Variants in MAGI2 observed in about 807,000 individuals in gnomAD.
The protein encoded by MAGI2 is membrane-associated guanylate kinase, WW and PDZ domain-containing protein 2.
MAGI2 carries 35 observed loss-of-function variants against 133.3 expected under a neutral mutation model. The observed-to-expected ratio is 0.26, with a 90% confidence interval of 0.20 to 0.35. MAGI2 has a LOEUF of 0.35. Ranked by LOEUF, MAGI2 falls within the 10% of genes least tolerant of loss-of-function variation. The pLI is 1.00. For missense variants in MAGI2, 1,636 were observed against 1,863.4 expected (o/e 0.88, Z 2.25); for synonymous variants, 729 against 710.6 (o/e 1.03, Z -0.41).
At position 78,019,098 on chromosome 7, in the gene MAGI2, C is replaced by T; in HGVS notation, c.*217G>A. On this transcript the variant is annotated 3_prime_UTR_variant, in exon 22 of 22. Coordinates refer to ENST00000354212, the MANE Select transcript of MAGI2 (RefSeq NM_012301.4). ...TCTTCCATAGCTGCCAAAGCCCCCACAAGGGAACCGGGGGCTTTAGGATCA... is the reference window on the plus strand; with the variant it reads ...TCTTCCATAGCTGCCAAAGCCCCCATAAGGGAACCGGGGGCTTTAGGATCA... 1 of 481,318 alleles carries T rather than the reference C, an allele frequency of 2.1e-6. No individual in the cohort carries two copies. Among genetic ancestry groups the T allele is most frequent in the Non-Finnish European group, 3.6e-6 (1 of 276,000 alleles). The allele number at this position is 481,318 out of a possible 1,614,324, so 29.8% of individuals were successfully genotyped here.
At chr7:78,618,068 T>G (rs982848731) in intron 3 of MAGI2, 2 of 152,068 alleles carry the variant, frequency 1.3e-5, no homozygotes, top group African/African-American at 4.8e-5. Context: ...CATTAATGCA[T>G]AGAACAAATC....
At chr7:78,601,407 T>A (rs1485961068) in intron 3 of MAGI2, among the ~76,000 whole-genome samples, 8 of 152,186 alleles carry the variant, frequency 5.3e-5, no homozygotes, top group Non-Finnish European at 8.8e-5. Context: ...CACTTGTAAT[T>A]TTTTTCTTCA....
chr7:79,044,130 A>C (rs187054602), intron 1 of MAGI2, among the ~76,000 whole-genome samples: 12 of 152,306 alleles, frequency 7.9e-5, no homozygotes, highest in Non-Finnish European at 1.5e-4. Context: ...CAACAACAAA[A>C]AAGAAAACTT....
intron 1 of MAGI2, among the ~76,000 whole-genome samples, chr7:79,060,718 C>A (rs980238654): frequency 6.6e-6 from 1 of 152,052 alleles, no homozygotes. Flanking sequence ...TGTGGCCTGA[C>A]TTACCCCATG....
chr7:78,704,778 C>CTTTTTTTTTTGCCT (rs1554535243), intron 2 of MAGI2, among the ~76,000 whole-genome samples: 1 of 47,346 alleles, frequency 2.1e-5, no homozygotes, highest in African/African-American at 6.7e-5. Flanking sequence ...GGCCATTATT[C>CTTTTTTTTTTGCCT]TTTTTTTTTT....
At chr7:78,869,637 C>T (rs1794862758) in intron 2 of MAGI2, among the ~76,000 whole-genome samples, 1 of 152,146 alleles carries the variant, frequency 6.6e-6, no homozygotes, top group Non-Finnish European at 1.5e-5. Context: ...TATGTCTTCA[C>T]AAGGCAGCAG....
chr7:78,521,421 A>G lies in MAGI2; in HGVS notation c.754+9T>C. 1 of 1,610,612 alleles carries G rather than the reference A, an allele frequency of 6.2e-7. No homozygotes were observed. The highest frequency in any genetic ancestry group is 8.5e-7 in the Non-Finnish European group (1 of 1,177,742). On this transcript the variant is annotated intron_variant, in intron 4 of 21. Coordinates refer to ENST00000354212, the MANE Select transcript of MAGI2 (RefSeq NM_012301.4). ...ATTTATGAAGCCATAAAAAATGTAA[A>G]TGACTAACCTGGTGTTACTACTACT... is the stretch of plus-strand genomic sequence containing the variant.
chr7:78,727,385 A>G (rs1410106245), intron 2 of MAGI2, among the ~76,000 whole-genome samples: 1 of 152,226 alleles, frequency 6.6e-6, no homozygotes, highest in Admixed American at 6.5e-5. Context: ...ACTTGATAGC[A>G]GACTTTACTA....
intron 3 of MAGI2, among the ~76,000 whole-genome samples, chr7:78,573,205 A>AAT (rs1228998289): frequency 1.2e-5 from 1 of 84,506 alleles, no homozygotes; most frequent in Non-Finnish European, 2.1e-5. Context: ...TATATATATA[A>AAT]ATATATATAT....
At chr7:78,711,013 A>G (rs1819130346) in intron 2 of MAGI2, among the ~76,000 whole-genome samples, 1 of 152,204 alleles carries the variant, frequency 6.6e-6, no homozygotes, top group East Asian at 1.9e-4. Flanking sequence ...CTAAGTCTTT[A>G]TAAATTCTCT....
At chr7:78,433,359 C>T (rs1799974766) in intron 6 of MAGI2, among the ~76,000 whole-genome samples, 1 of 152,038 alleles carries the variant, frequency 6.6e-6, no homozygotes, top group Admixed American at 6.6e-5. Flanking sequence ...AGGACACCCT[C>T]TAATTGTTGT....
At chr7:78,863,010 T>C (rs938021273) in intron 2 of MAGI2, among the ~76,000 whole-genome samples, 1 of 152,246 alleles carries the variant, frequency 6.6e-6, no homozygotes, top group Non-Finnish European at 1.5e-5. Context: ...GTCTGGAGTA[T>C]TGAAAATCTC....
chr7:79,292,399 A>T (rs917006615), intron 1 of MAGI2, among the ~76,000 whole-genome samples: 1 of 152,100 alleles, frequency 6.6e-6, no homozygotes, highest in African/African-American at 2.4e-5. Flanking sequence ...AGGCAGGCAG[A>T]TCACTTGAGG....
chr7:79,369,943 A>G (rs1230169847), intron 1 of MAGI2, among the ~76,000 whole-genome samples: 1 of 152,110 alleles, frequency 6.6e-6, no homozygotes, highest in African/African-American at 2.4e-5. Context: ...TTAGTATGTC[A>G]TACCTAAAGG....
chr7:78,678,983 G>A (rs73380243), intron 2 of MAGI2, among the ~76,000 whole-genome samples: 2,418 of 152,182 alleles, frequency 0.016, 58 homozygotes, highest in African/African-American at 0.047. Context: ...CTGACCCAAT[G>A]ATATAACTGA....
chr7:78,797,139 G>A (rs1243449071), intron 2 of MAGI2, among the ~76,000 whole-genome samples: 1 of 152,062 alleles, frequency 6.6e-6, no homozygotes, highest in African/African-American at 2.4e-5. Flanking sequence ...GAATTGTAAT[G>A]TTCCCAACAC....
intron 20 of MAGI2, among the ~76,000 whole-genome samples, chr7:78,083,676 G>T (rs565001655): frequency 1.6e-3 from 242 of 152,276 alleles, no homozygotes; most frequent in African/African-American, 5.5e-3. Flanking sequence ...CTGTGTCTAG[G>T]TCCCCGCCTA....
Position 78,541,179 on chromosome 7 carries a change from C to T in MAGI2, c.539-19534G>A, listed in dbSNP as rs114555621. 2.1e-3 allele frequency among the ~76,000 whole-genome samples: 319 copies of T among 152,276 alleles called. 1 individual carries two copies. The highest frequency in any genetic ancestry group is 7.1e-3 in the African/African-American group (296 of 41,556). ...ATGAGATGCTGTGGGCTGGCAACAC[C>T]AGGCTGCAATAAGGATTTTTTTTTT... On this transcript the variant is annotated intron_variant, in intron 3 of 21. Transcript: ENST00000354212.
At chr7:78,648,462 G>A (rs1811141979) in intron 2 of MAGI2, among the ~76,000 whole-genome samples, 1 of 152,118 alleles carries the variant, frequency 6.6e-6, no homozygotes, top group Non-Finnish European at 1.5e-5. Context: ...AAATATTGTT[G>A]ATCCTTATGA....
Sources: gnomAD v4.1 joint callset for allele counts (sites outside exome capture counted in the v4.1 genomes callset) on GRCh38, gnomAD v4.1.1 for gene constraint, MANE v1.5 for transcripts, NCBI Gene and HGNC (gene_info 2026-07-23, HGNC 2026-07-21) for gene names.